THRB: variants seen among roughly 807,000 people sequenced by gnomAD.
The protein encoded by THRB is nuclear receptor subfamily 1 group A member 2.
In THRB, 12 loss-of-function variants were observed where a neutral mutation model predicts 47.8. The observed-to-expected ratio is 0.25, with a 90% confidence interval of 0.16 to 0.41. The LOEUF (loss-of-function observed/expected upper bound fraction) is 0.41, where lower values mean the gene tolerates loss of function less well. THRB is among the 10% of genes least tolerant of loss of function. THRB has a pLI of 1.00. For missense variants in THRB, 348 were observed against 589.2 expected (o/e 0.59, Z 4.24); for synonymous variants, 218 against 212.2 (o/e 1.03, Z -0.24).
intron 2 of THRB, among the ~76,000 whole-genome samples, chr3:24,335,839 C>T (rs2062214056): frequency 6.6e-6 from 1 of 152,162 alleles, no homozygotes; most frequent in Admixed American, 6.5e-5. Flanking sequence ...GAGGAGAATG[C>T]CTTGTAAAAA....
intron 1 of THRB, among the ~76,000 whole-genome samples, chr3:24,440,751 G>C (rs938275443): frequency 2.2e-4 from 33 of 152,148 alleles, no homozygotes; most frequent in African/African-American, 7.5e-4. Context: ...TGAAAGGGAT[G>C]ATGACTGAGC....
chr3:24,190,456 C>T, intron 4 of THRB, 122 bp from the exon 5 acceptor site: 2 of 1,243,274 alleles, frequency 1.6e-6, no homozygotes, highest in South Asian at 1.2e-5. Flanking sequence ...TCACATGCCA[C>T]TTGACGGGAG....
intron 6 of THRB, among the ~76,000 whole-genome samples, chr3:24,151,769 G>A (rs1279866719): frequency 6.6e-6 from 1 of 152,176 alleles, no homozygotes; most frequent in African/African-American, 2.4e-5. Flanking sequence ...CTGATCACTG[G>A]TATATTCTTG....
chr3:24,207,443 C>T (rs2045511541), intron 4 of THRB, among the ~76,000 whole-genome samples: 2 of 152,188 alleles, frequency 1.3e-5, no homozygotes, highest in Non-Finnish European at 2.9e-5. Context: ...CAAAATTCAA[C>T]AGCCCTTCAT....
intron 4 of THRB, among the ~76,000 whole-genome samples, chr3:24,199,909 C>G (rs1448274073): frequency 6.6e-6 from 1 of 152,178 alleles, no homozygotes; most frequent in Non-Finnish European, 1.5e-5. Context: ...TAGGAACAAG[C>G]TGACTGCTGA....
At chr3:24,313,255 T>C (rs529990086) in intron 2 of THRB, among the ~76,000 whole-genome samples, 2 of 152,268 alleles carry the variant, frequency 1.3e-5, no homozygotes, top group South Asian at 2.1e-4. Context: ...CGGGAAATCA[T>C]TGTCTGCACC....
intron 1 of THRB, among the ~76,000 whole-genome samples, chr3:24,396,961 T>A (rs1449877439): frequency 6.6e-6 from 1 of 151,836 alleles, no homozygotes; most frequent in Non-Finnish European, 1.5e-5. Context: ...TTACCAGTTC[T>A]TTTTTTGCTA....
chr3:24,146,366 G>C (rs1227001507), intron 7 of THRB, among the ~76,000 whole-genome samples: 3 of 152,194 alleles, frequency 2.0e-5, no homozygotes, highest in African/African-American at 7.2e-5. Context: ...GTCTCAAACA[G>C]AGTGTTGCTA....
chr3:24,384,607 T>C (rs2065953719), intron 1 of THRB, among the ~76,000 whole-genome samples: 3 of 152,100 alleles, frequency 2.0e-5, no homozygotes, highest in South Asian at 4.2e-4. Context: ...CTTAGTATAA[T>C]TTACCATTAG....
chr3:24,214,611 G>A (rs564018000), intron 4 of THRB, among the ~76,000 whole-genome samples: 4 of 152,308 alleles, frequency 2.6e-5, no homozygotes, highest in Admixed American at 2.6e-4. Context: ...CTGAGATGCC[G>A]ACATGGTGTT....
chr3:24,156,963 C>T (rs551993985), intron 5 of THRB, among the ~76,000 whole-genome samples: 56 of 152,276 alleles, frequency 3.7e-4, no homozygotes, highest in African/African-American at 1.2e-3. Flanking sequence ...AGGTACCAAG[C>T]TTTATATCAT....
intron 3 of THRB, among the ~76,000 whole-genome samples, chr3:24,285,394 G>T (rs1218610965): frequency 7.1e-6 from 1 of 140,050 alleles, no homozygotes; most frequent in African/African-American, 2.7e-5. Flanking sequence ...AGAACACATG[G>T]ACACAGGAAG....
At chr3:24,230,352 A>C (rs769321528) in intron 3 of THRB, among the ~76,000 whole-genome samples, 1 of 152,206 alleles carries the variant, frequency 6.6e-6, no homozygotes, top group Admixed American at 6.5e-5. Context: ...TGTCAGATAC[A>C]TAACAGGTAC....
intron 1 of THRB, among the ~76,000 whole-genome samples, chr3:24,475,168 T>G (rs559148014): frequency 1.3e-5 from 2 of 152,168 alleles, no homozygotes; most frequent in African/African-American, 4.8e-5. Context: ...TGAAATATGA[T>G]GTAAGGATTT....
chr3:24,246,434 C>A (rs2050118538), intron 3 of THRB, among the ~76,000 whole-genome samples: 1 of 152,112 alleles, frequency 6.6e-6, no homozygotes, highest in South Asian at 2.1e-4. Context: ...TTGAAAAGGG[C>A]ATGGTATTGA....
chr3:24,349,306 T>C (rs894616334), intron 1 of THRB, among the ~76,000 whole-genome samples: 3 of 151,968 alleles, frequency 2.0e-5, no homozygotes, highest in African/African-American at 4.8e-5. Context: ...GTAATCCCTA[T>C]CAAAATCTCA....
chr3:24,312,759 C>T (rs1294889550), intron 2 of THRB, among the ~76,000 whole-genome samples: 2 of 152,204 alleles, frequency 1.3e-5, no homozygotes, highest in Non-Finnish European at 2.9e-5. Flanking sequence ...CCACATCACA[C>T]AGGGCCTGGT....
chr3:24,173,555 T>C (rs1367413627), intron 5 of THRB, among the ~76,000 whole-genome samples: 1 of 152,168 alleles, frequency 6.6e-6, no homozygotes, highest in Admixed American at 6.5e-5. Context: ...TTGGACATAA[T>C]ACTATCACAA....
chr3:24,472,846 G>A (rs961104286), intron 1 of THRB, among the ~76,000 whole-genome samples: 3 of 152,030 alleles, frequency 2.0e-5, no homozygotes, highest in Admixed American at 1.3e-4. Flanking sequence ...ACACAGGCTC[G>A]GGAGACCTTC....
Sources: allele counts gnomAD v4.1 joint callset (sites outside exome capture counted in the v4.1 genomes callset), GRCh38; gene constraint gnomAD v4.1.1; transcripts MANE v1.5; gene names NCBI Gene and HGNC (gene_info 2026-07-23, HGNC 2026-07-21).